Variants in SCMH1 observed in about 807,000 individuals in gnomAD.
The protein encoded by SCMH1 is Scm polycomb group protein homolog 1.
SCMH1 carries 37 observed loss-of-function variants against 70.8 expected under a neutral mutation model. The observed-to-expected ratio is 0.52, with a 90% CI of 0.40 to 0.69. The LOEUF (loss-of-function observed/expected upper bound fraction) is 0.69. SCMH1 is among the 30% of genes least tolerant of loss of function. The pLI is 0.00. For missense variants in SCMH1, 607 were observed against 827.3 expected (o/e 0.73, Z 3.27); for synonymous variants, 292 against 307.4 (o/e 0.95, Z 0.52).
intron 2 of SCMH1, among the ~76,000 whole-genome samples, chr1:41,165,499 C>A (rs959339882): frequency 6.6e-6 from 1 of 152,094 alleles, no homozygotes; most frequent in Non-Finnish European, 1.5e-5. Context: ...TTTGTGATAT[C>A]CGTAACAGTG....
chr1:41,173,077 T>C (rs1221852336), intron 2 of SCMH1, among the ~76,000 whole-genome samples: 1 of 151,724 alleles, frequency 6.6e-6, no homozygotes, highest in Middle Eastern at 3.2e-3. Context: ...AAAAGCAAAA[T>C]TACACAATTA....
intron 13 of SCMH1, among the ~76,000 whole-genome samples, chr1:41,035,117 T>G (rs1390758078): frequency 1.3e-5 from 2 of 152,246 alleles, no homozygotes. Context: ...TTGGGACGTA[T>G]GTCCACTGTA....
intron 1 of SCMH1, among the ~76,000 whole-genome samples, chr1:41,187,667 G>A (rs1459008218): frequency 6.6e-6 from 1 of 151,736 alleles, no homozygotes; most frequent in East Asian, 1.9e-4. Flanking sequence ...TAAGGCAGGA[G>A]GACCACCTGT....
At chr1:41,154,113 C>T (rs950771684) in intron 4 of SCMH1, among the ~76,000 whole-genome samples, 1 of 152,180 alleles carries the variant, frequency 6.6e-6, no homozygotes, top group Non-Finnish European at 1.5e-5. Flanking sequence ...CTGGATTTGA[C>T]CTCCCAATAG....
chr1:41,050,618 G>A (rs570879996), intron 10 of SCMH1, among the ~76,000 whole-genome samples: 4 of 152,256 alleles, frequency 2.6e-5, no homozygotes, highest in South Asian at 4.2e-4. Context: ...TGAATTGAAC[G>A]AATACATTTA....
exon 15 of SCMH1, chr1:41,027,988 C>T: frequency 3.3e-6 from 2 of 606,808 alleles, no homozygotes; most frequent in Non-Finnish European, 5.8e-6. Context: ...CAGCACCAGC[C>T]CTGGACCCCC....
At chr1:41,217,610 G>A (rs957853549) in intron 1 of SCMH1, among the ~76,000 whole-genome samples, 1 of 152,312 alleles carries the variant, frequency 6.6e-6, no homozygotes, top group Admixed American at 6.5e-5. Flanking sequence ...TAGATGGATT[G>A]GACCTGCATT....
chr1:41,201,113 C>T (rs548791391), intron 1 of SCMH1, among the ~76,000 whole-genome samples: 1 of 152,224 alleles, frequency 6.6e-6, no homozygotes, highest in South Asian at 2.1e-4. Context: ...ACTACTTGGG[C>T]CATGAAGATG....
Position 41,117,755 on chromosome 1 carries a change from C to T in SCMH1, c.413-745G>A, listed in dbSNP as rs567986567. ...AGAAATAATGGCGTAAGCTGTCTCT[C>T]TCTCTCTCCTCTCTCTCTCTCTGCC... On this transcript the variant is annotated intron_variant, in intron 6 of 14. Transcript: ENST00000337495. 2.0e-5 allele frequency among the ~76,000 whole-genome samples: 3 copies of T among 152,230 alleles called. No individual in the cohort carries two copies. In the South Asian group the frequency reaches 6.2e-4, roughly 32 times the overall value.
At chr1:41,028,770 T>C (rs760641558) in intron 13 of SCMH1, 44 bp from the exon 15 acceptor site, 10 of 1,603,248 alleles carry the variant, frequency 6.2e-6, no homozygotes, top group Admixed American at 1.7e-5. Flanking sequence ...GGGGACTGGT[T>C]TGTAAATCCC....
At chr1:41,101,757 C>G (rs1352953036) in intron 8 of SCMH1, among the ~76,000 whole-genome samples, 1 of 151,066 alleles carries the variant, frequency 6.6e-6, no homozygotes, top group Non-Finnish European at 1.5e-5. Flanking sequence ...AACAATTGCA[C>G]AAATGCTTTT....
At chr1:41,182,716 C>CA (rs1355492160) in intron 2 of SCMH1, among the ~76,000 whole-genome samples, 13 of 150,736 alleles carry the variant, frequency 8.6e-5, no homozygotes, top group Middle Eastern at 6.8e-3. Context: ...GTCTTAAAAA[C>CA]AAAAAAAGAC....
chr1:41,038,344 C>G (rs74071127), intron 12 of SCMH1, among the ~76,000 whole-genome samples: 1 of 152,346 alleles, frequency 6.6e-6, no homozygotes, highest in African/African-American at 2.4e-5. Context: ...TTCCTCATGA[C>G]TGGGTTCTAC....
In SCMH1 at chr1:41,068,653, G is replaced by A. The variant is rs558273544; in HGVS notation, c.1105+1942C>T. Among the ~76,000 whole-genome samples the A allele has an allele frequency of 5.3e-5, 8 of 152,190 alleles. No individual in the cohort carries two copies. The South Asian group carries it at 1.2e-3, about 24-fold the overall frequency. ...ATTCCTGGCCTCAAGTAATCCGTCC[G>A]TCTTGGCCTCCTAAAGTGCTGGGAT... On this transcript the variant is annotated intron_variant, in intron 10 of 14. Transcript: ENST00000337495.
chr1:41,058,664 G>A (rs529202097), intron 10 of SCMH1, among the ~76,000 whole-genome samples: 65 of 152,256 alleles, frequency 4.3e-4, no homozygotes, highest in African/African-American at 1.5e-3. Context: ...ACAGGTGTGA[G>A]CCACCATGCT....
chr1:41,216,111 A>G (rs1292976843), intron 1 of SCMH1, among the ~76,000 whole-genome samples: 1 of 152,154 alleles, frequency 6.6e-6, no homozygotes, highest in African/African-American at 2.4e-5. Flanking sequence ...AGCTCAGTAA[A>G]AGCAAGACAA....
intron 4 of SCMH1, chr1:41,152,546 C>A (rs1223084359): frequency 2.5e-6 from 4 of 1,580,560 alleles, no homozygotes; most frequent in South Asian, 1.1e-5. Context: ...TAAAGATTAT[C>A]AAGTTCTTTA....
At chr1:41,046,891 T>C (rs1558422267) in intron 11 of SCMH1, among the ~76,000 whole-genome samples, 2 of 152,246 alleles carry the variant, frequency 1.3e-5, no homozygotes, top group Admixed American at 1.3e-4. Flanking sequence ...TAATTCTCTC[T>C]GCTCCATCAC....
chr1:41,170,066 C>A (rs1317541567), intron 2 of SCMH1, among the ~76,000 whole-genome samples: 1 of 152,166 alleles, frequency 6.6e-6, no homozygotes, highest in Non-Finnish European at 1.5e-5. Flanking sequence ...CTTCTGGGGG[C>A]AAACAGGGAG....
Sources: allele counts gnomAD v4.1 joint callset (sites outside exome capture counted in the v4.1 genomes callset), GRCh38; gene constraint gnomAD v4.1.1; transcripts MANE v1.5; gene names NCBI Gene and HGNC (gene_info 2026-07-23, HGNC 2026-07-21).